The following CRACD variants were observed in gnomAD, a reference collection of about 807,000 sequenced individuals.
CRACD encodes capping protein inhibiting regulator of actin dynamics.
Under a neutral mutation model 106.8 loss-of-function variants are expected in CRACD, and 56 were observed. The ratio of observed to expected loss-of-function variants is 0.52; its 90% confidence interval spans 0.42 to 0.66. The LOEUF (loss-of-function observed/expected upper bound fraction) is 0.66. Ranked by LOEUF, CRACD falls within the 30% of genes least tolerant of loss-of-function variation. The probability of loss-of-function intolerance (pLI) is 0.00; values close to 1 mark genes in which losing one functional copy is unlikely to be tolerated. For missense variants in CRACD, 1,730 were observed against 1,623.2 expected, an observed-to-expected ratio of 1.07 and a Z score of -1.13; for synonymous variants, 754 against 670.8, an observed-to-expected ratio of 1.12 and a Z score of -1.92.
intron 1 of CRACD, among the ~76,000 whole-genome samples, chr4:56,120,296 A>T (rs1577675792): frequency 6.6e-6 from 1 of 152,158 alleles, no homozygotes; most frequent in Non-Finnish European, 1.5e-5. Flanking sequence ...CATTCCTTTG[A>T]ATAGCAGAGA....
At position 56,177,857 on chromosome 4, in the gene CRACD, CT is replaced by C. The variant is rs920628228; in HGVS notation, c.-335-1425del. Reference sequence around the variant, plus strand: ...ATTTCCATGGTACCTGTTGTAATGCCTTCTTTTCTGTCTCTGATTTTATTTA... The same window carrying C: ...ATTTCCATGGTACCTGTTGTAATGCCTCTTTTCTGTCTCTGATTTTATTTA... On this transcript the variant is annotated intron_variant, in intron 1 of 10. Transcript: ENST00000682029. Among the ~76,000 whole-genome samples the C allele has an allele frequency of 8.6e-5, 13 of 151,922 alleles. 1 individual carries two copies. Among genetic ancestry groups the C allele is most frequent in the Admixed American group, 7.9e-4 (12 of 15,256 alleles).
At chr4:56,257,958 T>G (rs886697960) in intron 2 of CRACD, among the ~76,000 whole-genome samples, 1 of 151,224 alleles carries the variant, frequency 6.6e-6, no homozygotes, top group East Asian at 2.0e-4. Flanking sequence ...TAGTCCTAGC[T>G]ACTTGGGAGG....
intron 3 of CRACD, among the ~76,000 whole-genome samples, chr4:56,274,739 T>G (rs1445162863): frequency 2.6e-5 from 4 of 152,252 alleles, no homozygotes; most frequent in Non-Finnish European, 5.9e-5. Context: ...TTTGGACTAT[T>G]AATTTTTAAA....
At position 56,275,450 on chromosome 4, in the gene CRACD, GA is replaced by G. The variant is rs573851214; in HGVS notation, c.-17+2967del. On this transcript the variant is annotated intron_variant, in intron 3 of 10. Coordinates refer to ENST00000682029, the MANE Select transcript of CRACD (RefSeq NM_001393381.1). ...ACTGCACTCTAGCCTGGACAACACA[GA>G]AAAAAAAAGTTAGAAGCACAGGAAA... Among the ~76,000 whole-genome samples, 98 of 150,310 alleles carry G rather than the reference GA, an allele frequency of 6.5e-4. 1 individual carries two copies. Among genetic ancestry groups the G allele is most frequent in the Middle Eastern group, 6.9e-3 (2 of 290 alleles).
chr4:56,063,341 A>C (rs569923066), intron 1 of CRACD, among the ~76,000 whole-genome samples: 2 of 152,246 alleles, frequency 1.3e-5, no homozygotes, highest in Non-Finnish European at 2.9e-5. Flanking sequence ...CATAGGTGTG[A>C]ACCACTGTGC....
intron 1 of CRACD, among the ~76,000 whole-genome samples, chr4:56,076,792 C>A (rs1416570759): frequency 2.6e-5 from 4 of 152,204 alleles, no homozygotes; most frequent in African/African-American, 9.6e-5. Context: ...CTTTGTCAGA[C>A]TGGAAGCTTT....
At chr4:56,226,984 GC>G (rs1739336472) in intron 2 of CRACD, among the ~76,000 whole-genome samples, 1 of 151,598 alleles carries the variant, frequency 6.6e-6, no homozygotes, top group Admixed American at 6.6e-5. Context: ...AGTGGAAGTA[GC>G]CCGACACCTC....
At chr4:56,104,177 G>C in intron 1 of CRACD, among the ~76,000 whole-genome samples, 1 of 152,052 alleles carries the variant, frequency 6.6e-6, no homozygotes, top group Non-Finnish European at 1.5e-5. Context: ...TGGGAGCATC[G>C]CTTGGGCCCA....
intron 2 of CRACD, among the ~76,000 whole-genome samples, chr4:56,199,441 T>TG (rs934369129): frequency 6.6e-6 from 1 of 152,128 alleles, no homozygotes; most frequent in African/African-American, 2.4e-5. Context: ...CCCAGCACTT[T>TG]GGGAGGCCGA....
At chr4:56,066,233 C>CA (rs142953826) in intron 1 of CRACD, among the ~76,000 whole-genome samples, 3,555 of 152,256 alleles carry the variant, frequency 0.023, 61 homozygotes, top group Admixed American at 0.058. Context: ...GCAGCCACTG[C>CA]GTTGGTTAGT....
intron 2 of CRACD, among the ~76,000 whole-genome samples, chr4:56,212,032 C>T (rs115260579): frequency 0.028 from 4,301 of 152,122 alleles, 207 homozygotes; most frequent in African/African-American, 0.096. Context: ...TTTTTAGTCA[C>T]AGGATGAGCT....
rs114102022 is a variant in CRACD, at chr4:56,309,893, C to T, written c.286-773C>T. On this transcript the variant is annotated intron_variant, in intron 5 of 10. Transcript: ENST00000682029. Reference sequence around the variant, plus strand: ...TATATAAAGTAAAAAGTTAGCCAGACGTGGCACATGCCTCTAGTCCCAGCT... The same window carrying T: ...TATATAAAGTAAAAAGTTAGCCAGATGTGGCACATGCCTCTAGTCCCAGCT... 7.2e-3 allele frequency among the ~76,000 whole-genome samples: 1,087 copies of T among 151,814 alleles called. 11 individuals are homozygous for T. The highest frequency in any genetic ancestry group is 0.025 in the African/African-American group (1,033 of 41,424).
chr4:56,265,049 T>C (rs972843297), intron 2 of CRACD, among the ~76,000 whole-genome samples: 1 of 152,198 alleles, frequency 6.6e-6, no homozygotes, highest in Non-Finnish European at 1.5e-5. Context: ...TGTCATAGCA[T>C]GGCCCTGGGG....
At chr4:56,282,774 C>T (rs1743103762) in intron 3 of CRACD, among the ~76,000 whole-genome samples, 1 of 152,156 alleles carries the variant, frequency 6.6e-6, no homozygotes, top group African/African-American at 2.4e-5. Context: ...GAAGGCAGTC[C>T]CTGTCTTGTA....
intron 2 of CRACD, among the ~76,000 whole-genome samples, chr4:56,271,059 C>T (rs918286643): frequency 4.0e-5 from 6 of 148,214 alleles, no homozygotes; most frequent in Non-Finnish European, 8.9e-5. Context: ...GAGCCAAGAT[C>T]GTGCCATTGC....
chr4:56,065,845 C>T (rs939065572), intron 1 of CRACD, among the ~76,000 whole-genome samples: 3 of 152,140 alleles, frequency 2.0e-5, no homozygotes, highest in Non-Finnish European at 2.9e-5. Context: ...TACCTATCAT[C>T]CCCTCCCCTC....
At chr4:56,050,253 T>G (rs948901023) in intron 1 of CRACD, among the ~76,000 whole-genome samples, 14 of 148,818 alleles carry the variant, frequency 9.4e-5, no homozygotes, top group Non-Finnish European at 1.9e-4. Flanking sequence ...GCTGGGAAAC[T>G]GATCTGGTGT....
At chr4:56,195,128 TCAATAAAAGGA>T (rs1221768328) in intron 2 of CRACD, among the ~76,000 whole-genome samples, 1 of 152,120 alleles carries the variant, frequency 6.6e-6, no homozygotes, top group Admixed American at 6.6e-5. Flanking sequence ...ATGGAAGAGG[TCAATAAAAGGA>T]TATTTTGAGT....
At chr4:56,107,129 C>T (rs1300526428) in intron 1 of CRACD, among the ~76,000 whole-genome samples, 2 of 151,872 alleles carry the variant, frequency 1.3e-5, no homozygotes, top group African/African-American at 2.4e-5. Flanking sequence ...TGTGCCACCA[C>T]ATTCAGCTAA....
Sources: allele counts gnomAD v4.1 joint callset (sites outside exome capture counted in the v4.1 genomes callset), GRCh38; gene constraint gnomAD v4.1.1; transcripts MANE v1.5; gene names NCBI Gene and HGNC (gene_info 2026-07-23, HGNC 2026-07-21).